MBD5: variants seen among roughly 807,000 people sequenced by gnomAD.
The protein encoded by MBD5 is methyl-CpG-binding domain protein 5.
Under a neutral mutation model 117.3 loss-of-function variants are expected in MBD5, and 13 were observed. That is an observed-to-expected ratio of 0.11 (90% CI 0.07 to 0.18). The LOEUF (loss-of-function observed/expected upper bound fraction) is 0.18. Ranked by LOEUF, MBD5 falls within the 10% of genes least tolerant of loss-of-function variation. MBD5 has a pLI of 1.00. For synonymous variants in MBD5, 727 were observed against 766.4 expected (o/e 0.95, Z 0.85); for missense variants, 1,879 against 2,093.8 (o/e 0.90, Z 2.00).
At chr2:148,384,919 C>G (rs1215836436) in intron 4 of MBD5, among the ~76,000 whole-genome samples, 2 of 151,938 alleles carry the variant, frequency 1.3e-5, no homozygotes, top group African/African-American at 2.4e-5. Flanking sequence ...ATGTAGAAAG[C>G]TGAAACTGAA....
intron 4 of MBD5, among the ~76,000 whole-genome samples, chr2:148,390,440 TGTATATATGTAA>T (rs2105523831): frequency 6.6e-6 from 1 of 151,238 alleles, no homozygotes; most frequent in African/African-American, 2.4e-5. Context: ...TATATATGTG[TGTATATATGTAA>T]GTATATATAT....
chr2:148,245,311 C>T (rs1026570381), intron 3 of MBD5, among the ~76,000 whole-genome samples: 9 of 152,142 alleles, frequency 5.9e-5, no homozygotes, highest in South Asian at 2.1e-4. Flanking sequence ...CTGCAACCTC[C>T]GCCTCCTGGG....
chr2:148,186,084 C>G (rs1055901361), intron 2 of MBD5, among the ~76,000 whole-genome samples: 16 of 152,184 alleles, frequency 1.1e-4, no homozygotes, highest in Admixed American at 7.9e-4. Flanking sequence ...GGTTTAGTTG[C>G]AGTATAGTAC....
In MBD5 at chr2:148,470,578, T is replaced by C. The variant is rs2105645421; in HGVS notation, c.2518+117T>C. 3.7e-6 allele frequency: 3 copies of C among 815,296 alleles called. No individual in the cohort carries two copies. In the South Asian group the frequency reaches 6.1e-5, roughly 17 times the overall value. 50.5% of individuals were successfully genotyped at this position (815,296 alleles called of 1,614,324 possible). ...TGATCCTTTCCCCATTGTGAAATTCTCTTCATTTCTTTAGTATTTATAATT... is the reference window on the plus strand; with the variant it reads ...TGATCCTTTCCCCATTGTGAAATTCCCTTCATTTCTTTAGTATTTATAATT... On this transcript the variant is annotated intron_variant, in intron 8 of 13. Coordinates refer to ENST00000642680, the MANE Select transcript of MBD5 (RefSeq NM_001378120.1).
rs758576566 is a variant in MBD5, at chr2:148,469,327, T to C, written c.1384T>C (p.Ser462Pro). The change falls in exon 8 of 14, where the codon TCA (serine) becomes CCA (proline). Residue 462 changes from serine to proline, a missense_variant. Physicochemically the swap from Ser to Pro is moderately conservative, Grantham distance 74. This residue lies in a region of MBD5 where 1,666 missense variants were observed against 1,792.2 expected (regional missense o/e 0.93). Coordinates refer to ENST00000642680, the MANE Select transcript of MBD5 (RefSeq NM_001378120.1). ...RIEASPQRSR[S>P]SSTSSDHGNF... is the part of the protein sequence containing the mutation. ...TGAGGCATCGCCCCAAAGATCACGC[T>C]CATCTTCCACATCATCAGATCATGG... 6.2e-7 allele frequency: 1 copy of C among 1,613,772 alleles called. No homozygotes were observed. Among genetic ancestry groups the C allele is most frequent in the Non-Finnish European group, 8.5e-7 (1 of 1,179,944 alleles).
intron 1 of MBD5, among the ~76,000 whole-genome samples, chr2:148,103,610 T>G (rs1317586099): frequency 3.3e-5 from 5 of 152,146 alleles, no homozygotes; most frequent in Non-Finnish European, 1.5e-5. Context: ...GAAGTGCCCT[T>G]TCTTTGTTCT....
intron 1 of MBD5, among the ~76,000 whole-genome samples, chr2:148,050,402 G>C (rs115819919): frequency 1.3e-5 from 2 of 151,382 alleles, no homozygotes; most frequent in Non-Finnish European, 2.9e-5. Flanking sequence ...CCACTTTTTC[G>C]TGTTTGCCTT....
intron 4 of MBD5, among the ~76,000 whole-genome samples, chr2:148,360,381 TAC>T (rs1272127456): frequency 2.0e-5 from 3 of 152,028 alleles, no homozygotes; most frequent in Non-Finnish European, 4.4e-5. Flanking sequence ...AGTGTGCACA[TAC>T]ACACACACAT....
At chr2:148,194,987 C>G (rs906772283) in intron 2 of MBD5, among the ~76,000 whole-genome samples, 2 of 152,132 alleles carry the variant, frequency 1.3e-5, no homozygotes. Context: ...CACATTATAA[C>G]TATTTTAAGA....
chr2:148,413,903 T>C (rs567863214), intron 4 of MBD5, among the ~76,000 whole-genome samples: 35 of 138,272 alleles, frequency 2.5e-4, no homozygotes, highest in African/African-American at 1.0e-3. Flanking sequence ...ATCTTACTTA[T>C]TTTCTAAAAA....
chr2:148,049,235 T>C (rs1212669609), intron 1 of MBD5, among the ~76,000 whole-genome samples: 2 of 152,188 alleles, frequency 1.3e-5, no homozygotes, highest in African/African-American at 4.8e-5. Flanking sequence ...ACCTTAGCTC[T>C]TTAGAAGCTA....
chr2:148,205,652 C>A (rs972006499), intron 2 of MBD5, among the ~76,000 whole-genome samples: 5 of 152,064 alleles, frequency 3.3e-5, no homozygotes, highest in Admixed American at 2.6e-4. Flanking sequence ...ATAAACATAA[C>A]CACTGGAACA....
intron 3 of MBD5, among the ~76,000 whole-genome samples, chr2:148,328,461 G>C (rs556075720): frequency 9.8e-5 from 15 of 152,348 alleles, no homozygotes; most frequent in Non-Finnish European, 1.8e-4. Flanking sequence ...CTTGCAGTTT[G>C]ATCTCAGACT....
At chr2:148,460,343 A>G (rs535035543) in intron 5 of MBD5, 3 of 152,310 alleles carry the variant, frequency 2.0e-5, no homozygotes, top group South Asian at 2.1e-4. Context: ...ACTAGACTTT[A>G]TACCATCTGA....
At chr2:148,248,166 C>G (rs1346180792) in intron 3 of MBD5, among the ~76,000 whole-genome samples, 1 of 152,070 alleles carries the variant, frequency 6.6e-6, no homozygotes, top group Non-Finnish European at 1.5e-5. Flanking sequence ...TACTTAAGGT[C>G]CCGTCAGTAC....
intron 12 of MBD5, among the ~76,000 whole-genome samples, chr2:148,504,471 T>G (rs1438191319): frequency 1.3e-5 from 2 of 152,216 alleles, no homozygotes; most frequent in African/African-American, 4.8e-5. Context: ...AAATTATATG[T>G]TGAACCAAAT....
chr2:148,443,093 C>G (rs763203698), intron 4 of MBD5, among the ~76,000 whole-genome samples: 1 of 151,326 alleles, frequency 6.6e-6, no homozygotes, highest in Non-Finnish European at 1.5e-5. Context: ...AAGATCTGAA[C>G]AGACATTTCT....
intron 1 of MBD5, among the ~76,000 whole-genome samples, chr2:148,169,155 T>C (rs1698198914): frequency 1.3e-5 from 2 of 152,046 alleles, no homozygotes; most frequent in African/African-American, 4.8e-5. Flanking sequence ...CTTCTAAAAA[T>C]TTTGTTTTAG....
chr2:148,489,457 T>A lies in MBD5; in HGVS notation c.3825T>A (p.Pro1275=). The part of the protein sequence containing the change: ...ISTQPGLTAL[P]ENPNTTLPPF... ...CTCAGCCTGGGCTCACAGCACTTCC[T>A]GAGAATCCAAACACTACACTTCCAC... The change falls in exon 11 of 14, where the codon CCT becomes CCA. Residue 1275 remains proline, a synonymous_variant. Coordinates refer to ENST00000642680, the MANE Select transcript of MBD5 (RefSeq NM_001378120.1). The A allele has an allele frequency of 6.2e-7, 1 of 1,614,202 alleles. No individual in the cohort carries two copies. Among genetic ancestry groups the A allele is most frequent in the Non-Finnish European group, 8.5e-7 (1 of 1,180,036 alleles).
Sources: gnomAD v4.1 joint callset for allele counts (sites outside exome capture counted in the v4.1 genomes callset) on GRCh38, gnomAD v4.1.1 for gene constraint, gnomAD v4.1.1 regional missense constraint, MANE v1.5 for transcripts, NCBI Gene and HGNC (gene_info 2026-07-23, HGNC 2026-07-21) for gene names.